CNTNAP2: variants seen among roughly 807,000 people sequenced by gnomAD.
CNTNAP2 encodes contactin-associated protein-like 2.
CNTNAP2 carries 98 observed loss-of-function variants against 155.2 expected under a neutral mutation model. The ratio of observed to expected loss-of-function variants is 0.63; its 90% confidence interval spans 0.54 to 0.75. The LOEUF (loss-of-function observed/expected upper bound fraction) is 0.75, where lower values mean the gene tolerates loss of function less well. Ranked by LOEUF, CNTNAP2 falls within the 30% of genes least tolerant of loss-of-function variation. CNTNAP2 has a pLI of 0.00. For missense variants in CNTNAP2, 1,727 were observed against 1,688.1 expected (o/e 1.02, Z -0.40); for synonymous variants, 651 against 631.2 (o/e 1.03, Z -0.47).
chr7:146,439,819 C>T (rs1796295423), intron 1 of CNTNAP2, among the ~76,000 whole-genome samples: 1 of 151,474 alleles, frequency 6.6e-6, no homozygotes, highest in Non-Finnish European at 1.5e-5. Flanking sequence ...ATGAAACAAT[C>T]CCACTTTCAA....
intron 1 of CNTNAP2, among the ~76,000 whole-genome samples, chr7:146,746,431 T>A (rs911794486): frequency 2.8e-4 from 42 of 152,146 alleles, no homozygotes; most frequent in African/African-American, 9.6e-4. Context: ...AGGAGAAAAT[T>A]ATAAATATTT....
At chr7:146,414,027 A>G (rs1795903181) in intron 1 of CNTNAP2, among the ~76,000 whole-genome samples, 2 of 152,198 alleles carry the variant, frequency 1.3e-5, no homozygotes, top group African/African-American at 4.8e-5. Context: ...TTCTTCAGAG[A>G]AAAGCTGGAC....
At chr7:146,608,915 T>G (rs1433819264) in intron 1 of CNTNAP2, among the ~76,000 whole-genome samples, 1 of 152,164 alleles carries the variant, frequency 6.6e-6, no homozygotes, top group Non-Finnish European at 1.5e-5. Context: ...TCCTATTTTT[T>G]GCAGAAATAA....
chr7:146,458,349 T>C (rs554938014), intron 1 of CNTNAP2, among the ~76,000 whole-genome samples: 2 of 152,202 alleles, frequency 1.3e-5, no homozygotes, highest in Non-Finnish European at 2.9e-5. Context: ...TGTTAGATTA[T>C]TGATATCTAA....
intron 9 of CNTNAP2, among the ~76,000 whole-genome samples, chr7:147,331,063 A>C (rs12536060): frequency 0.19 from 29,014 of 152,062 alleles, 3,006 homozygotes; most frequent in East Asian, 0.36. Context: ...TGAGTGACTG[A>C]AGCATAATCA....
intron 1 of CNTNAP2, among the ~76,000 whole-genome samples, chr7:146,342,465 G>C (rs1030593657): frequency 6.6e-6 from 1 of 152,100 alleles, no homozygotes; most frequent in African/African-American, 2.4e-5. Context: ...AAGTGATTTA[G>C]ACAAGTTAAA....
At chr7:148,311,116 G>A (rs913443655) in intron 21 of CNTNAP2, among the ~76,000 whole-genome samples, 1 of 152,152 alleles carries the variant, frequency 6.6e-6, no homozygotes, top group African/African-American at 2.4e-5. Flanking sequence ...GTTGATATAA[G>A]GAGAAAGGTT....
chr7:146,531,725 A>G (rs1797773056), intron 1 of CNTNAP2, among the ~76,000 whole-genome samples: 1 of 152,014 alleles, frequency 6.6e-6, no homozygotes, highest in Non-Finnish European at 1.5e-5. Context: ...TTGTATTTTT[A>G]GTAGAGACAG....
intron 3 of CNTNAP2, among the ~76,000 whole-genome samples, chr7:146,881,173 C>T (rs1217821017): frequency 2.0e-5 from 3 of 152,098 alleles, no homozygotes; most frequent in African/African-American, 7.2e-5. Context: ...TCTAATTCCA[C>T]ACACGTTACT....
chr7:147,790,130 G>A (rs527704697), intron 13 of CNTNAP2, among the ~76,000 whole-genome samples: 1 of 152,076 alleles, frequency 6.6e-6, no homozygotes, highest in African/African-American at 2.4e-5. Flanking sequence ...CAAATCTTTA[G>A]TTGTCATGTC....
chr7:147,557,763 CT>C (rs1273561258), intron 11 of CNTNAP2, among the ~76,000 whole-genome samples: 35 of 152,318 alleles, frequency 2.3e-4, no homozygotes, highest in African/African-American at 8.4e-4. Flanking sequence ...TTTATTTAAT[CT>C]TCACAACAAC....
chr7:147,580,135 T>C (rs1425534073), intron 12 of CNTNAP2, among the ~76,000 whole-genome samples: 3 of 152,124 alleles, frequency 2.0e-5, no homozygotes, highest in African/African-American at 7.3e-5. Flanking sequence ...ACATCTGTCC[T>C]TTAGACAGTC....
intron 1 of CNTNAP2, among the ~76,000 whole-genome samples, chr7:146,285,334 A>C (rs1301589351): frequency 2.0e-5 from 3 of 152,148 alleles, no homozygotes; most frequent in Non-Finnish European, 4.4e-5. Context: ...TTCACATTTC[A>C]CTTGCTTATA....
intron 8 of CNTNAP2, among the ~76,000 whole-genome samples, chr7:147,137,110 A>C (rs1266121760): frequency 1.3e-5 from 2 of 151,706 alleles, no homozygotes; most frequent in Non-Finnish European, 3.0e-5. Flanking sequence ...ACCCAGAGTT[A>C]TTTATCACAA....
intron 4 of CNTNAP2, among the ~76,000 whole-genome samples, chr7:147,101,034 G>A (rs1289537724): frequency 5.9e-5 from 9 of 152,144 alleles, no homozygotes; most frequent in Non-Finnish European, 7.4e-5. Context: ...AAGTAAACTA[G>A]AACAAGAAAA....
chr7:146,722,169 T>C (rs144769794), intron 1 of CNTNAP2, among the ~76,000 whole-genome samples: 5,191 of 151,702 alleles, frequency 0.034, 131 homozygotes, highest in East Asian at 0.12. Flanking sequence ...GGATTACAGG[T>C]GTGAGCCAGC....
At chr7:146,246,627 C>T (rs1043341937) in intron 1 of CNTNAP2, among the ~76,000 whole-genome samples, 49 of 151,514 alleles carry the variant, frequency 3.2e-4, no homozygotes, top group Non-Finnish European at 5.3e-4. Context: ...GCTTCCGAGG[C>T]GATCCGACAG....
intron 13 of CNTNAP2, among the ~76,000 whole-genome samples, chr7:147,798,908 C>T (rs551640736): frequency 1.2e-4 from 19 of 152,242 alleles, no homozygotes; most frequent in Non-Finnish European, 2.2e-4. Flanking sequence ...GAAGTCTAAC[C>T]GTGTTTTCCT....
At chr7:147,358,307 G>A (rs1047921760) in intron 9 of CNTNAP2, among the ~76,000 whole-genome samples, 3 of 152,076 alleles carry the variant, frequency 2.0e-5, no homozygotes, top group African/African-American at 7.2e-5. Flanking sequence ...TTCTCTATAA[G>A]CAAACCTTTG....
Sources: allele counts gnomAD v4.1 joint callset (sites outside exome capture counted in the v4.1 genomes callset), GRCh38; gene constraint gnomAD v4.1.1; transcripts MANE v1.5; gene names NCBI Gene and HGNC (gene_info 2026-07-23, HGNC 2026-07-21).